The following CPS1 variants were observed in gnomAD, a reference collection of about 807,000 sequenced individuals.
The protein encoded by CPS1 is carbamoyl-phosphate synthase [ammonia], mitochondrial.
CPS1 carries 109 observed loss-of-function variants against 174.6 expected under a neutral mutation model. The ratio of observed to expected loss-of-function variants is 0.62; its 90% CI spans 0.53 to 0.73. CPS1 has a LOEUF of 0.73. Ranked by LOEUF, CPS1 falls within the 30% of genes least tolerant of loss-of-function variation. The pLI, the probability that CPS1 is intolerant of heterozygous loss-of-function variation, is 0.00. For synonymous variants in CPS1, 637 were observed against 632.0 expected (o/e 1.01, Z -0.12); for missense variants, 1,689 against 1,821.9 (o/e 0.93, Z 1.33).
At chr2:210,590,345 G>T in intron 8 of CPS1, 111 bp downstream of exon 8, 1 of 1,501,252 alleles carries the variant, frequency 6.7e-7, no homozygotes, top group Non-Finnish European at 9.2e-7. Context: ...TTCAATGCTG[G>T]TATTTGTGAC....
In CPS1 at chr2:210,678,219, T is replaced by C; in HGVS notation, c.*234T>C. 1.7e-6 allele frequency: 1 copy of C among 573,418 alleles called. No individual in the cohort carries two copies. The highest frequency in any genetic ancestry group is 1.9e-5 in the African/African-American group (1 of 53,526). The allele number at this position is 573,418 out of a possible 1,614,324, so 35.5% of individuals were successfully genotyped here. The stretch of plus-strand genomic sequence containing the variant: ...AGATTTCATCCATTTACTAATACTG[T>C]ATTTTTGGTGGACTAGGCTTGCCTA... On this transcript the variant is annotated 3_prime_UTR_variant, in exon 38 of 38. Transcript: ENST00000233072.
intron 1 of CPS1, among the ~76,000 whole-genome samples, chr2:210,484,072 T>C (rs1021941834): frequency 2.0e-5 from 3 of 152,188 alleles, no homozygotes; most frequent in Non-Finnish European, 4.4e-5. Context: ...ATAAATGTTA[T>C]GTCTTAAGAT....
chr2:210,668,360 G>A (rs1574666566), intron 34 of CPS1, 76 bp downstream of exon 34: 1 of 971,538 alleles, frequency 1.0e-6, no homozygotes, highest in East Asian at 2.4e-5. Flanking sequence ...AATGTTAATT[G>A]TGGTATAGAG....
chr2:210,659,492 A>C (rs1406237769), intron 31 of CPS1, among the ~76,000 whole-genome samples: 1 of 152,110 alleles, frequency 6.6e-6, no homozygotes, highest in Non-Finnish European at 1.5e-5. Flanking sequence ...TTCATGAAAA[A>C]TCCACCCCTC....
intron 21 of CPS1, among the ~76,000 whole-genome samples, chr2:210,621,461 T>G (rs986323090): frequency 6.6e-6 from 1 of 152,178 alleles, no homozygotes; most frequent in African/African-American, 2.4e-5. Context: ...TAGCTTTCAC[T>G]GCTAAGCTAT....
chr2:210,594,912 C>G (rs1698438438), intron 12 of CPS1, among the ~76,000 whole-genome samples: 1 of 151,790 alleles, frequency 6.6e-6, no homozygotes, highest in Admixed American at 6.6e-5. Flanking sequence ...AGCCATAGCT[C>G]TATGTAAACA....
At chr2:210,522,373 T>G (rs1488120105) in intron 1 of CPS1, among the ~76,000 whole-genome samples, 4 of 152,032 alleles carry the variant, frequency 2.6e-5, no homozygotes, top group African/African-American at 7.2e-5. Flanking sequence ...TGTAGTTAAG[T>G]GTTATTTTTA....
At chr2:210,518,860 C>T (rs1387218813) in intron 1 of CPS1, among the ~76,000 whole-genome samples, 1 of 151,942 alleles carries the variant, frequency 6.6e-6, no homozygotes. Flanking sequence ...GACCTGCAGG[C>T]CCTTTAAATC....
intron 1 of CPS1, among the ~76,000 whole-genome samples, chr2:210,521,053 T>C (rs1458542772): frequency 6.6e-6 from 1 of 152,064 alleles, no homozygotes; most frequent in East Asian, 1.9e-4. Flanking sequence ...CAACATTTTA[T>C]ATTCCCACCA....
At chr2:210,634,409 G>C (rs1014756961) in intron 21 of CPS1, among the ~76,000 whole-genome samples, 2 of 152,142 alleles carry the variant, frequency 1.3e-5, no homozygotes, top group Non-Finnish European at 2.9e-5. Flanking sequence ...CAGCCTGGGC[G>C]ACAGAGCGAG....
At chr2:210,611,593 C>T (rs1699122215) in intron 19 of CPS1, among the ~76,000 whole-genome samples, 1 of 151,894 alleles carries the variant, frequency 6.6e-6, no homozygotes, top group Non-Finnish European at 1.5e-5. Flanking sequence ...AAATCATAAT[C>T]ATCAGTATTT....
rs534195969 is a variant in CPS1, at chr2:210,583,345, G to A, written c.621+636G>A. Among the ~76,000 whole-genome samples the A allele has an allele frequency of 2.0e-5, 3 of 152,236 alleles. No homozygotes were observed. The South Asian group carries it at 6.2e-4, about 32-fold the overall frequency. On this transcript the variant is annotated intron_variant, in intron 6 of 37. Coordinates refer to ENST00000233072, the MANE Select transcript of CPS1 (RefSeq NM_001875.5). ...GTGAGTTTCTTGAGCTACAGTCTCT[G>A]TCCTTGGGGAGCATAGAGCCTGGTG...
At chr2:210,504,162 G>A (rs930043962) in intron 1 of CPS1, among the ~76,000 whole-genome samples, 10 of 152,024 alleles carry the variant, frequency 6.6e-5, no homozygotes, top group Non-Finnish European at 1.0e-4. Flanking sequence ...ATACTGATGG[G>A]TCACTGCCTG....
At chr2:210,555,554 A>T (rs924903041), upstream of CPS1, 1 of 448,064 alleles carries the variant, frequency 2.2e-6, no homozygotes, top group African/African-American at 2.0e-5. Context: ...GTTCCTCTTT[A>T]AAAAAATCCT....
chr2:210,519,732 C>A, intron 1 of CPS1: 2 of 985,076 alleles, frequency 2.0e-6, no homozygotes, highest in South Asian at 9.4e-5. Flanking sequence ...CAAAAGCATC[C>A]AGTATGAGGG....
At chr2:210,523,055 C>T (rs781516401) in intron 1 of CPS1, among the ~76,000 whole-genome samples, 59 of 152,104 alleles carry the variant, frequency 3.9e-4, no homozygotes, top group Non-Finnish European at 7.4e-4. Flanking sequence ...AATGGGAGAT[C>T]CAGGGTAAAG....
chr2:210,588,288 A>G (rs1698173753), intron 7 of CPS1, 141 bp downstream of exon 7: 2 of 768,334 alleles, frequency 2.6e-6, no homozygotes, highest in Non-Finnish European at 4.5e-6. Context: ...TTTGATTTAC[A>G]AAATAACACA....
At chr2:210,664,454 C>T (rs1181681103) in intron 33 of CPS1, among the ~76,000 whole-genome samples, 3 of 152,028 alleles carry the variant, frequency 2.0e-5, no homozygotes, top group Non-Finnish European at 4.4e-5. Context: ...ATTCTCCTGC[C>T]TCAACCTCCT....
At chr2:210,602,497 A>G (rs975554126) in intron 16 of CPS1, among the ~76,000 whole-genome samples, 167 bp downstream of exon 16, 2 of 152,096 alleles carry the variant, frequency 1.3e-5, no homozygotes, top group African/African-American at 4.8e-5. Context: ...GAGAGCATGC[A>G]GTGCAACTCT....
Sources: allele counts gnomAD v4.1 joint callset (sites outside exome capture counted in the v4.1 genomes callset), GRCh38; gene constraint gnomAD v4.1.1; transcripts MANE v1.5; gene names NCBI Gene and HGNC (gene_info 2026-07-23, HGNC 2026-07-21).